CNGB3: variants seen among roughly 807,000 people sequenced by gnomAD.
The protein encoded by CNGB3 is cyclic nucleotide-gated channel beta-3.
CNGB3 carries 86 observed loss-of-function variants against 92.8 expected under a neutral mutation model. That is an observed-to-expected ratio of 0.93 (90% CI 0.78 to 1.11). The LOEUF (loss-of-function observed/expected upper bound fraction) is 1.11. Among genes scored for constraint, CNGB3 ranks in the 50% least tolerant of loss-of-function variants. The probability of loss-of-function intolerance (pLI) is 0.00; values close to 1 mark genes in which losing one functional copy is unlikely to be tolerated. For missense variants in CNGB3, 1,026 were observed against 956.8 expected (o/e 1.07, Z -0.95); for synonymous variants, 333 against 332.7 (o/e 1.00, Z -0.01).
At chr8:86,685,207 A>G (rs969055569) in intron 3 of CNGB3, among the ~76,000 whole-genome samples, 2 of 152,076 alleles carry the variant, frequency 1.3e-5, no homozygotes, top group African/African-American at 4.8e-5. Context: ...TTAATTCATA[A>G]AAAAGGCCTC....
chr8:86,634,094 G>A (rs183133951), intron 10 of CNGB3, among the ~76,000 whole-genome samples: 8 of 152,132 alleles, frequency 5.3e-5, no homozygotes, highest in African/African-American at 1.7e-4. Context: ...AATATGATAA[G>A]GATTAGTAAA....
At chr8:86,643,911 G>A in intron 9 of CNGB3, 38 bp from the exon 10 acceptor site, 1 of 1,592,586 alleles carries the variant, frequency 6.3e-7, no homozygotes, top group Non-Finnish European at 8.6e-7. Context: ...GATTCATGTT[G>A]TTTCTGAAAT....
chr8:86,743,604 G>A lies in CNGB3; in HGVS notation c.24C>T (p.Val8=). 1 of 1,613,964 alleles carries A rather than the reference G, an allele frequency of 6.2e-7. No homozygotes were observed. Among genetic ancestry groups the A allele is most frequent in the Non-Finnish European group, 8.5e-7 (1 of 1,179,892 alleles). The change falls in exon 1 of 18, where the codon GTC becomes GTT. Residue 8 remains valine (V), a synonymous_variant. Transcript: ENST00000320005. ...TCTCTCCTATAGGCTTCACCTTGTT[G>A]ACTTTTGTCAGCGATTTAAACATCT... MFKSLTK[V]NKVKPIGENN...
chr8:86,671,301 C>T (rs1023306425), intron 3 of CNGB3, among the ~76,000 whole-genome samples: 6 of 152,164 alleles, frequency 3.9e-5, no homozygotes, highest in African/African-American at 1.4e-4. Flanking sequence ...TTAGAATCCT[C>T]AAATAGCAAG....
chr8:86,576,017 A>G lies in CNGB3; in HGVS notation c.2217T>C (p.Asp739=), dbSNP rs1425570775. 5 of 1,611,704 alleles carry G rather than the reference A, an allele frequency of 3.1e-6. No individual in the cohort carries two copies. The highest frequency in any genetic ancestry group is 4.2e-6 in the Non-Finnish European group (5 of 1,178,674). ...CTTCTGGCTCTCTTCCTTTATCTTT[A>G]TCTTCATTTTCTTTTCCTTTATCTT... is the stretch of plus-strand genomic sequence containing the variant. ...ENEDKGKENE[D]KDKGREPEEK... Residue 739 remains aspartate, a synonymous_variant, in exon 18 of 18, where the codon GAT becomes GAC. Coordinates refer to ENST00000320005, the MANE Select transcript of CNGB3 (RefSeq NM_019098.5).
At chr8:86,590,065 G>C (rs972465468) in intron 15 of CNGB3, among the ~76,000 whole-genome samples, 24 of 151,334 alleles carry the variant, frequency 1.6e-4, no homozygotes, top group African/African-American at 5.8e-4. Context: ...AGCTCTTCTT[G>C]TTGAATTGAT....
intron 2 of CNGB3, among the ~76,000 whole-genome samples, chr8:86,735,816 A>ATTT (rs1563770606): frequency 6.6e-6 from 1 of 152,202 alleles, no homozygotes; most frequent in Non-Finnish European, 1.5e-5. Flanking sequence ...GATTTTAGAG[A>ATTT]TTATGGTGTG....
intron 6 of CNGB3, among the ~76,000 whole-genome samples, chr8:86,654,963 G>A (rs990949255): frequency 6.6e-6 from 1 of 152,082 alleles, no homozygotes; most frequent in African/African-American, 2.4e-5. Context: ...TGATGGGTAA[G>A]CAACTGCCCA....
chr8:86,660,946 G>A (rs1823629429), intron 6 of CNGB3, among the ~76,000 whole-genome samples: 2 of 152,294 alleles, frequency 1.3e-5, no homozygotes, highest in South Asian at 2.1e-4. Flanking sequence ...TCTTTCTGGT[G>A]TTAGGAGCCA....
Position 86,671,042 on chromosome 8 carries a change from A to G in CNGB3, c.395T>C (p.Leu132Pro). 1 of 1,613,980 alleles carries G rather than the reference A, an allele frequency of 6.2e-7. No individual in the cohort carries two copies. The highest frequency in any genetic ancestry group is 8.5e-7 in the Non-Finnish European group (1 of 1,180,010). Residue 132 changes from leucine to proline, a missense_variant, in exon 4 of 18, where the codon CTA (leucine) becomes CCA (proline). Leu to Pro is a moderately conservative substitution (Grantham distance 98). Coordinates refer to ENST00000320005, the MANE Select transcript of CNGB3 (RefSeq NM_019098.5). ...ACGCATTCTTTTCACCAGGTTGTGT[A>G]GCTGGGCATCGGCATACTCATTTAT... is the stretch of plus-strand genomic sequence containing the variant. ...PVINEYADAQ[L>P]HNLVKRMRQR...
At chr8:86,659,037 A>G in intron 6 of CNGB3, 1 of 974,346 alleles carries the variant, frequency 1.0e-6, no homozygotes, top group Non-Finnish European at 1.6e-6. Context: ...CTCCACTTAT[A>G]GCTGCTGCTC....
intron 3 of CNGB3, among the ~76,000 whole-genome samples, chr8:86,692,752 G>A (rs1824345365): frequency 6.6e-6 from 1 of 151,786 alleles, no homozygotes; most frequent in African/African-American, 2.4e-5. Flanking sequence ...TGTGAGGTAG[G>A]TACTGTTTTA....
chr8:86,729,661 A>G (rs542879539), intron 2 of CNGB3, among the ~76,000 whole-genome samples: 16 of 152,222 alleles, frequency 1.1e-4, no homozygotes, highest in Non-Finnish European at 2.1e-4. Flanking sequence ...CTCAAAACAA[A>G]AGAATGCCTG....
At chr8:86,703,790 T>A (rs1406809285) in intron 3 of CNGB3, among the ~76,000 whole-genome samples, 3 of 152,190 alleles carry the variant, frequency 2.0e-5, no homozygotes, top group Non-Finnish European at 2.9e-5. Flanking sequence ...ATTCAGTGAT[T>A]TGTATTTTTC....
intron 3 of CNGB3, among the ~76,000 whole-genome samples, chr8:86,706,513 G>A (rs1187901503): frequency 6.6e-6 from 1 of 152,192 alleles, no homozygotes; most frequent in African/African-American, 2.4e-5. Context: ...GCTCTTTCAT[G>A]TGGCCACCAG....
chr8:86,640,364 C>A (rs1391374553), intron 10 of CNGB3, among the ~76,000 whole-genome samples: 1 of 152,088 alleles, frequency 6.6e-6, no homozygotes, highest in Non-Finnish European at 1.5e-5. Flanking sequence ...ATTACTCATG[C>A]TGAAGTTCTA....
intron 15 of CNGB3, chr8:86,593,672 G>T (rs2089540994): frequency 1.6e-6 from 1 of 610,116 alleles, no homozygotes; most frequent in Non-Finnish European, 2.9e-6. Context: ...GTGTCTGTCT[G>T]CCCACAGCCA....
intron 15 of CNGB3, among the ~76,000 whole-genome samples, chr8:86,581,534 A>T (rs1821765415): frequency 6.6e-6 from 1 of 152,160 alleles, no homozygotes; most frequent in South Asian, 2.1e-4. Flanking sequence ...CAGGCCTACT[A>T]TTTAGAGAAA....
Position 86,576,231 on chromosome 8 carries a change from G to C in CNGB3, c.2104-101C>G, listed in dbSNP as rs1821659983. Reference sequence around the variant, plus strand: ...AATGGCTAAGATCACCACCAAGACAGACTGTCTGAATTAAGTGAATCCAGG... The same window carrying C: ...AATGGCTAAGATCACCACCAAGACACACTGTCTGAATTAAGTGAATCCAGG... On this transcript the variant is annotated intron_variant, in intron 17 of 17. Coordinates refer to ENST00000320005, the MANE Select transcript of CNGB3 (RefSeq NM_019098.5). 5 of 1,227,848 alleles carry C rather than the reference G, an allele frequency of 4.1e-6. No individual in the cohort carries two copies. The African/African-American group carries it at 7.6e-5, about 19-fold the overall frequency. The allele number at this position is 1,227,848 out of a possible 1,614,324, so 76.1% of individuals were successfully genotyped here.
Sources: gnomAD v4.1 joint callset for allele counts (sites outside exome capture counted in the v4.1 genomes callset) on GRCh38, gnomAD v4.1.1 for gene constraint, MANE v1.5 for transcripts, NCBI Gene and HGNC (gene_info 2026-07-23, HGNC 2026-07-21) for gene names.